The following TMEM243 variants were observed in gnomAD, a reference collection of about 807,000 sequenced individuals.
The protein encoded by TMEM243 is transmembrane protein 243, also known as MDR1 and mitochondrial taxol resistance associated.
TMEM243 carries 20 observed loss-of-function variants against 15.0 expected under a neutral mutation model. The ratio of observed to expected loss-of-function variants is 1.33; its 90% CI spans 0.94 to 1.93. The LOEUF (loss-of-function observed/expected upper bound fraction) is 1.93. TMEM243 is among the 30% of genes most tolerant of loss of function. TMEM243 has a pLI of 0.00. For synonymous variants in TMEM243, 72 were observed against 52.7 expected (o/e 1.37, Z -1.59); for missense variants, 156 against 142.1 (o/e 1.10, Z -0.50).
chr7:87,198,191 A>G (rs1801505142), intron 2 of TMEM243, 146 bp from the exon 3 acceptor site: 1 of 591,554 alleles, frequency 1.7e-6, no homozygotes, highest in South Asian at 2.4e-5. Flanking sequence ...ATGTTAATAC[A>G]GTAATTATAA....
intron 1 of TMEM243, chr7:87,218,849 A>G (rs570455424): frequency 5.9e-5 from 9 of 152,644 alleles, no homozygotes; most frequent in African/African-American, 2.2e-4. Flanking sequence ...CCTTTTTAAA[A>G]GGTGTTAAAC....
At chr7:87,217,666 A>T (rs943860356) in intron 1 of TMEM243, among the ~76,000 whole-genome samples, 5 of 152,236 alleles carry the variant, frequency 3.3e-5, no homozygotes, top group Admixed American at 3.3e-4. Context: ...ATCAGGAATT[A>T]ATATATATTA....
Position 87,219,566 on chromosome 7 carries a change from T to C in TMEM243, c.-63A>G. The C allele has an allele frequency of 2.1e-6, 3 of 1,460,418 alleles. No homozygotes were observed. The highest frequency in any genetic ancestry group is 2.9e-6 in the Non-Finnish European group (3 of 1,044,952). The allele number at this position is 1,460,418 out of a possible 1,614,324, so 90.5% of individuals were successfully genotyped here. A position where few individuals can be genotyped will look rare whatever the true frequency, so the allele number is the denominator to read the frequency against. On this transcript the variant is annotated 5_prime_UTR_variant, in exon 1 of 4. Coordinates refer to ENST00000257637, the MANE Select transcript of TMEM243 (RefSeq NM_024315.4). ...CAAGACAGCATGACCTCCCGAGGTCTCAGGTCCACGACTGCAAGCCTCCTC... is the reference window on the plus strand; with the variant it reads ...CAAGACAGCATGACCTCCCGAGGTCCCAGGTCCACGACTGCAAGCCTCCTC...
rs1280677730 is a variant in TMEM243, at chr7:87,201,043, C to T, written c.79-1986G>A. On this transcript the variant is annotated intron_variant, in intron 1 of 3. Coordinates refer to ENST00000257637, the MANE Select transcript of TMEM243 (RefSeq NM_024315.4). ...CTAAACTTTAATGAATACTTTCCTGCCTACCTTTTAGATAGTCACTGAACA... is the reference window on the plus strand; with the variant it reads ...CTAAACTTTAATGAATACTTTCCTGTCTACCTTTTAGATAGTCACTGAACA... Among the ~76,000 whole-genome samples the T allele has an allele frequency of 2.6e-5, 4 of 152,288 alleles. No homozygotes were observed. The East Asian group carries it at 7.7e-4, about 29-fold the overall frequency.
chr7:87,219,442 CCAAA>C lies in TMEM243; in HGVS notation c.58_61del (p.Phe20GlyfsTer12), dbSNP rs1012130768. On this transcript the variant is annotated frameshift_variant, in exon 1 of 4. Transcript: ENST00000257637. LOFTEE classifies it high-confidence loss of function. ...CGCACTCACCTTGGCGGACGTCTCC[CCAAA>C]CAGAGGTCTGTTGTCCAGGCCACTG... The C allele has an allele frequency of 5.6e-6, 9 of 1,614,126 alleles. No homozygotes were observed. The highest frequency in any genetic ancestry group is 1.3e-5 in the African/African-American group (1 of 74,946).
intron 3 of TMEM243, 89 bp from the exon 4 acceptor site, chr7:87,196,847 C>T (rs540968065): frequency 8.9e-6 from 8 of 902,010 alleles, no homozygotes; most frequent in Admixed American, 8.5e-5. Flanking sequence ...TTGTTTATTC[C>T]CCTAAATGAG....
chr7:87,198,807 A>G (rs35727906), intron 2 of TMEM243, 200 bp downstream of exon 2: 5,536 of 488,632 alleles, frequency 0.011, 47 homozygotes, highest in Non-Finnish European at 0.016. Flanking sequence ...CTTAAAACGA[A>G]GTTGTCTGAC....
rs570117249 is a variant in TMEM243, at chr7:87,214,485, G to A, written c.78+4941C>T. Among the ~76,000 whole-genome samples the A allele has an allele frequency of 6.6e-5, 10 of 152,280 alleles. No homozygotes were observed. The South Asian group carries it at 2.1e-3, about 32-fold the overall frequency. ...TTCCCAAAGTATATTCTGCAGAAAC[G>A]TATCTAGTGAATGCTCTAGGGAGCT... On this transcript the variant is annotated intron_variant, in intron 1 of 3. Coordinates refer to ENST00000257637, the MANE Select transcript of TMEM243 (RefSeq NM_024315.4).
intron 2 of TMEM243, 116 bp downstream of exon 2, chr7:87,198,891 T>C (rs1801577410): frequency 1.1e-6 from 1 of 904,432 alleles, no homozygotes; most frequent in Non-Finnish European, 1.7e-6. Context: ...AACTGCAATT[T>C]TGTGGTAATA....
intron 1 of TMEM243, among the ~76,000 whole-genome samples, chr7:87,200,484 C>T (rs933042038): frequency 6.6e-6 from 1 of 152,158 alleles, no homozygotes; most frequent in Admixed American, 6.5e-5. Context: ...ATATCTGCTG[C>T]TCTCTGAGCG....
At chr7:87,199,090 C>A in intron 1 of TMEM243, 33 bp from the exon 2 acceptor site, 1 of 1,578,384 alleles carries the variant, frequency 6.3e-7, no homozygotes, top group Non-Finnish European at 8.6e-7. Context: ...AGCCATATGA[C>A]TTGGATCCAT....
At chr7:87,219,390 C>A (rs1803332910) in intron 1 of TMEM243, 36 bp downstream of exon 1, 1 of 1,602,422 alleles carries the variant, frequency 6.2e-7, no homozygotes, top group African/African-American at 1.3e-5. Flanking sequence ...GCAGACACAC[C>A]CCCCATCCCA....
chr7:87,209,774 C>CACAGAGCGAGACAGTG (rs1802573620), intron 1 of TMEM243, among the ~76,000 whole-genome samples: 3 of 72,832 alleles, frequency 4.1e-5, no homozygotes, highest in African/African-American at 1.0e-4. Context: ...GAGAGCGAGA[C>CACAGAGCGAGACAGTG]AGAGCGAGAC....
chr7:87,202,801 G>A (rs776118634), intron 1 of TMEM243, among the ~76,000 whole-genome samples: 1 of 152,186 alleles, frequency 6.6e-6, no homozygotes, highest in Non-Finnish European at 1.5e-5. Context: ...ACCTCAAAAG[G>A]ATTCCTTAAC....
chr7:87,201,273 G>A (rs2129223433), intron 1 of TMEM243, among the ~76,000 whole-genome samples: 1 of 152,288 alleles, frequency 6.6e-6, no homozygotes, highest in East Asian at 1.9e-4. Context: ...AATGCTCTCT[G>A]TTTTAAACTT....
chr7:87,203,251 T>C (rs1036083618), intron 1 of TMEM243, among the ~76,000 whole-genome samples: 2 of 151,568 alleles, frequency 1.3e-5, no homozygotes, highest in African/African-American at 4.9e-5. Context: ...TAACCAACAA[T>C]AAAAAGACCA....
Position 87,206,142 on chromosome 7 carries a change from C to G in TMEM243, c.79-7085G>C, listed in dbSNP as rs532026652. 1.5e-3 allele frequency among the ~76,000 whole-genome samples: 228 copies of G among 152,298 alleles called. 1 individual carries two copies. Among genetic ancestry groups the G allele is most frequent in the African/African-American group, 5.1e-3 (214 of 41,560 alleles). On this transcript the variant is annotated intron_variant, in intron 1 of 3. Transcript: ENST00000257637. ...TGAGACTTATTCACTACCACAAGAA[C>G]AGTATGGGGGAAACTGCCCCCATGA... is the stretch of plus-strand genomic sequence containing the variant.
At chr7:87,209,750 C>G (rs1323294379) in intron 1 of TMEM243, among the ~76,000 whole-genome samples, 276 of 26,138 alleles carry the variant, frequency 0.011, 4 homozygotes, top group African/African-American at 0.033. Flanking sequence ...GAGCGAGACA[C>G]AGAGCGAGAC....
intron 2 of TMEM243, 28 bp downstream of exon 2, chr7:87,198,979 G>C (rs779156353): frequency 1.9e-6 from 3 of 1,574,518 alleles, no homozygotes; most frequent in Non-Finnish European, 2.6e-6. Context: ...CTAAGAGCCT[G>C]GGTGAGGCAC....
Sources: gnomAD v4.1 joint callset for allele counts (sites outside exome capture counted in the v4.1 genomes callset) on GRCh38, gnomAD v4.1.1 for gene constraint, MANE v1.5 for transcripts, NCBI Gene and HGNC (gene_info 2026-07-23, HGNC 2026-07-21) for gene names.